Variants in ESRRG observed in about 807,000 individuals in gnomAD.
ESRRG encodes estrogen related receptor gamma.
In ESRRG, 13 loss-of-function variants were observed where a neutral mutation model predicts 44.0. The observed-to-expected ratio is 0.30, with a 90% confidence interval of 0.19 to 0.47. The LOEUF (loss-of-function observed/expected upper bound fraction) is 0.47, where lower values mean the gene tolerates loss of function less well. Among genes scored for constraint, ESRRG ranks in the 20% least tolerant of loss-of-function variants. ESRRG has a pLI of 1.00. For missense variants in ESRRG, 395 were observed against 580.6 expected (o/e 0.68, Z 3.29); for synonymous variants, 215 against 214.6 (o/e 1.00, Z -0.02).
intron 1 of ESRRG, among the ~76,000 whole-genome samples, chr1:216,965,670 G>C (rs909440416): frequency 1.3e-5 from 2 of 152,132 alleles, no homozygotes; most frequent in South Asian, 2.1e-4. Context: ...CCTGGGGGGA[G>C]GCCAAAGGGC....
chr1:216,506,384 A>G lies in ESRRG; in HGVS notation c.*555T>C, dbSNP rs1485595070. The G allele has an allele frequency of 9.8e-6, 3 of 307,494 alleles. No homozygotes were observed. Among genetic ancestry groups the G allele is most frequent in the African/African-American group, 6.6e-5 (3 of 45,436 alleles). 19.0% of individuals were successfully genotyped at this position (307,494 alleles called of 1,614,324 possible). ...GGCTGGCTTCCATCTCTCTTCAGTT[A>G]GAGACCTCTTTTAAAAGTTCAGCAG... On this transcript the variant is annotated 3_prime_UTR_variant, in exon 7 of 7. Transcript: ENST00000408911.
intron 1 of ESRRG, among the ~76,000 whole-genome samples, chr1:216,943,952 C>T (rs1041024341): frequency 6.6e-6 from 1 of 152,016 alleles, no homozygotes. Flanking sequence ...TCAGCTCCCC[C>T]CTGCCAGGAA....
chr1:216,519,637 T>A (rs549673138), intron 5 of ESRRG, among the ~76,000 whole-genome samples: 2 of 152,212 alleles, frequency 1.3e-5, no homozygotes, highest in South Asian at 4.1e-4. Flanking sequence ...ATAAGTTTTA[T>A]AGACACAGCT....
chr1:216,785,932 T>C (rs1036357581), intron 2 of ESRRG, among the ~76,000 whole-genome samples: 1 of 152,118 alleles, frequency 6.6e-6, no homozygotes, highest in African/African-American at 2.4e-5. Flanking sequence ...ACATTTTGCA[T>C]GTTTTGCTGC....
chr1:217,100,733 A>G, intron 1 of ESRRG, among the ~76,000 whole-genome samples: 1 of 152,176 alleles, frequency 6.6e-6, no homozygotes. Flanking sequence ...AGTGGGAGCA[A>G]GAGCGAGAAG....
At chr1:216,842,153 G>A (rs1296617259) in intron 2 of ESRRG, among the ~76,000 whole-genome samples, 1 of 152,082 alleles carries the variant, frequency 6.6e-6, no homozygotes, top group Non-Finnish European at 1.5e-5. Flanking sequence ...TTTTGATGCA[G>A]GACCATCTTA....
At chr1:216,542,017 A>G (rs1255555821) in intron 5 of ESRRG, among the ~76,000 whole-genome samples, 1 of 150,670 alleles carries the variant, frequency 6.6e-6, no homozygotes, top group African/African-American at 2.4e-5. Flanking sequence ...TTCTTTGGTA[A>G]TTCTTCATGA....
At position 216,622,609 on chromosome 1, in the gene ESRRG, T is replaced by TACAC. The variant is rs1553429669; in HGVS notation, c.589+28360_589+28363dup. Among the ~76,000 whole-genome samples the TACAC allele has an allele frequency of 3.0e-3, 448 of 150,922 alleles. 5 individuals are homozygous for TACAC. The highest frequency in any genetic ancestry group is 0.01 in the African/African-American group (426 of 40,978). The stretch of plus-strand genomic sequence containing the variant: ...GCTCCAATGGAAAACAAATGAAAAT[T>TACAC]ACACACACGCACACACACACACACA... On this transcript the variant is annotated intron_variant, in intron 3 of 6. Transcript: ENST00000408911.
chr1:216,592,944 T>A (rs898925401), intron 3 of ESRRG, among the ~76,000 whole-genome samples: 3 of 152,224 alleles, frequency 2.0e-5, no homozygotes, highest in Non-Finnish European at 4.4e-5. Flanking sequence ...ACTATGTTTC[T>A]CATTTTAAAA....
chr1:216,543,473 T>C (rs903734054), intron 5 of ESRRG, among the ~76,000 whole-genome samples: 1 of 152,022 alleles, frequency 6.6e-6, no homozygotes, highest in African/African-American at 2.4e-5. Context: ...CTTGGAAACA[T>C]GGGTTTATAT....
chr1:217,035,284 G>A (rs999246942), intron 1 of ESRRG, among the ~76,000 whole-genome samples: 4 of 134,096 alleles, frequency 3.0e-5, no homozygotes, highest in Non-Finnish European at 4.6e-5. Flanking sequence ...CCAGGAGTTC[G>A]AGACCAGCCT....
intron 5 of ESRRG, among the ~76,000 whole-genome samples, chr1:216,533,009 A>C (rs1445986460): frequency 7.2e-5 from 11 of 152,258 alleles, no homozygotes; most frequent in Non-Finnish European, 4.4e-5. Flanking sequence ...ACAGCTTAGA[A>C]TAATTATAAT....
chr1:217,003,234 G>A (rs1057121893), intron 1 of ESRRG, among the ~76,000 whole-genome samples: 1 of 152,008 alleles, frequency 6.6e-6, no homozygotes, highest in Non-Finnish European at 1.5e-5. Flanking sequence ...GAGAAAGCAT[G>A]GACTTTGAAG....
At chr1:216,696,895 G>T (rs957416713) in intron 1 of ESRRG, among the ~76,000 whole-genome samples, 8 of 151,900 alleles carry the variant, frequency 5.3e-5, no homozygotes, top group Non-Finnish European at 7.4e-5. Context: ...AGATAAAATA[G>T]GTATCAAATC....
intron 1 of ESRRG, among the ~76,000 whole-genome samples, chr1:216,973,736 G>C (rs2072236311): frequency 6.6e-6 from 1 of 151,036 alleles, no homozygotes; most frequent in African/African-American, 2.4e-5. Context: ...TGAGGCGCAA[G>C]AATTGCTTGA....
upstream of ESRRG, among the ~76,000 whole-genome samples, chr1:216,728,185 T>G (rs2152111106): frequency 6.6e-6 from 1 of 152,300 alleles, no homozygotes; most frequent in African/African-American, 2.4e-5. Flanking sequence ...ATAGTTAACG[T>G]TTTGAGATTA....
intron 1 of ESRRG, among the ~76,000 whole-genome samples, chr1:217,118,521 C>A (rs1224807908): frequency 6.6e-6 from 1 of 152,166 alleles, no homozygotes; most frequent in African/African-American, 2.4e-5. Flanking sequence ...ACTGTGGGTT[C>A]ATTCAAGTAA....
chr1:216,904,795 G>A lies in ESRRG; in HGVS notation c.-14+34787C>T, dbSNP rs148494623. On this transcript the variant is annotated intron_variant, in intron 2 of 7. Coordinates refer to the ESRRG transcript ENST00000359162. ...CCCCAGCCATTGCTTGGAAGTCTAC[G>A]ACAAGGCAGGCATTCTGGGGTTCGA... Among the ~76,000 whole-genome samples, 72 of 152,260 alleles carry A rather than the reference G, an allele frequency of 4.7e-4. No individual in the cohort carries two copies. The East Asian group carries it at 9.1e-3, about 19-fold the overall frequency.
chr1:216,557,671 A>G (rs760470428), intron 5 of ESRRG, among the ~76,000 whole-genome samples: 4 of 152,114 alleles, frequency 2.6e-5, no homozygotes, highest in Non-Finnish European at 4.4e-5. Flanking sequence ...GCTTAATCCC[A>G]TGAAAAAAAA....
Sources: gnomAD v4.1 joint callset for allele counts (sites outside exome capture counted in the v4.1 genomes callset) on GRCh38, gnomAD v4.1.1 for gene constraint, MANE v1.5 for transcripts, NCBI Gene and HGNC (gene_info 2026-07-23, HGNC 2026-07-21) for gene names.